Variants in DENND2B observed in about 807,000 individuals in gnomAD.
The protein encoded by DENND2B is DENN domain containing 2B.
A neutral mutation model predicts 116.0 loss-of-function variants in DENND2B; 32 were observed. That is an observed-to-expected ratio of 0.28 (90% CI 0.21 to 0.37). The LOEUF is 0.37. Among genes scored for constraint, DENND2B ranks in the 10% least tolerant of loss-of-function variants. The pLI is 1.00. For missense variants in DENND2B, 1,276 were observed against 1,477.7 expected, an observed-to-expected ratio of 0.86 and a Z score of 2.24; for synonymous variants, 588 against 583.9, an observed-to-expected ratio of 1.01 and a Z score of -0.10.
chr11:8,893,757 C>T (rs2064062880), intron 1 of DENND2B, among the ~76,000 whole-genome samples: 1 of 152,094 alleles, frequency 6.6e-6, no homozygotes, highest in African/African-American at 2.4e-5. Context: ...AGGACACAAA[C>T]AAATGGAAGA....
chr11:8,905,124 T>C (rs1041713722), intron 1 of DENND2B, among the ~76,000 whole-genome samples: 9 of 152,124 alleles, frequency 5.9e-5, no homozygotes, highest in Non-Finnish European at 1.3e-4. Flanking sequence ...ATAGTTGATA[T>C]ACTTCCCAAT....
upstream of DENND2B, among the ~76,000 whole-genome samples, chr11:8,873,170 A>G (rs965052794): frequency 1.3e-5 from 2 of 152,228 alleles, no homozygotes; most frequent in African/African-American, 4.8e-5. Flanking sequence ...CTCTACTACT[A>G]AAGTCCCGTT....
In DENND2B at chr11:8,743,321, G is replaced by A. The variant is rs564855123; in HGVS notation, c.80+7300C>T. Among the ~76,000 whole-genome samples the A allele has an allele frequency of 6.6e-5, 10 of 151,942 alleles. 1 individual carries two copies. In the South Asian group the frequency reaches 1.2e-3, roughly 19 times the overall value. On this transcript the variant is annotated intron_variant, in intron 2 of 19. Transcript: ENST00000313726. ...TTCCAGCACTTTGGGAGGCTGAGGC[G>A]GGTGGATCACCTGAGGTCAGGAGTT...
chr11:8,753,307 A>C (rs2052897488), intron 1 of DENND2B, among the ~76,000 whole-genome samples: 1 of 152,264 alleles, frequency 6.6e-6, no homozygotes, highest in Non-Finnish European at 1.5e-5. Context: ...AATTAAGAAA[A>C]TAATTCTATT....
intron 1 of DENND2B, among the ~76,000 whole-genome samples, chr11:8,893,332 C>G (rs977354329): frequency 6.6e-6 from 1 of 152,084 alleles, no homozygotes; most frequent in African/African-American, 2.4e-5. Flanking sequence ...CTTTGAAAAC[C>G]GGCACAAGAC....
intron 4 of DENND2B, among the ~76,000 whole-genome samples, chr11:8,829,397 G>A (rs1159640808): frequency 1.3e-5 from 2 of 152,048 alleles, no homozygotes; most frequent in East Asian, 3.9e-4. Context: ...AAGTTATCTT[G>A]AAAATTCCCT....
chr11:8,758,895 C>A (rs998177048), intron 1 of DENND2B, among the ~76,000 whole-genome samples: 16 of 152,220 alleles, frequency 1.1e-4, no homozygotes, highest in African/African-American at 3.9e-4. Context: ...TTGGCAACAG[C>A]CACACAAAAC....
chr11:8,836,311 T>A (rs1315703983), intron 4 of DENND2B, among the ~76,000 whole-genome samples: 1 of 151,974 alleles, frequency 6.6e-6, no homozygotes, highest in Non-Finnish European at 1.5e-5. Flanking sequence ...CTCTAGCAAG[T>A]TTCAGCAGCC....
chr11:8,729,030 A>C (rs75175581), intron 3 of DENND2B, among the ~76,000 whole-genome samples: 3,444 of 152,250 alleles, frequency 0.023, 94 homozygotes, highest in African/African-American at 0.06. Flanking sequence ...GAATCTTTGA[A>C]ATTTCTTCCT....
chr11:8,909,434 G>A (rs75802891), intron 1 of DENND2B, among the ~76,000 whole-genome samples: 4 of 34,244 alleles, frequency 1.2e-4, no homozygotes, highest in Admixed American at 1.1e-3. Context: ...AGGAGGAGGA[G>A]GAGGAAGAAG....
chr11:8,837,095 A>C (rs1326986701), intron 4 of DENND2B, among the ~76,000 whole-genome samples: 1 of 152,128 alleles, frequency 6.6e-6, no homozygotes, highest in African/African-American at 2.4e-5. Context: ...TCTTTGTCCA[A>C]CTCATTCTGT....
intron 1 of DENND2B, among the ~76,000 whole-genome samples, chr11:8,889,235 T>C (rs746979788): frequency 2.6e-5 from 4 of 152,200 alleles, no homozygotes; most frequent in Non-Finnish European, 5.9e-5. Flanking sequence ...CAACAGAATA[T>C]TATTCAGCCT....
Position 8,771,566 on chromosome 11 carries a change from A to AGAGAGAGAGAGAGAGAGAGAGAGCGAGC in DENND2B, c.-25-20842_-25-20841insGCTCGCTCTCTCTCTCTCTCTCTCTCTC, listed in dbSNP as rs146752028. 9.1e-4 allele frequency: 110 copies of AGAGAGAGAGAGAGAGAGAGAGAGCGAGC among 120,368 alleles called. 1 individual carries two copies. Among genetic ancestry groups the AGAGAGAGAGAGAGAGAGAGAGAGCGAGC allele is most frequent in the Non-Finnish European group, 1.6e-3 (91 of 55,836 alleles). 7.5% of individuals were successfully genotyped at this position (120,368 alleles called of 1,614,324 possible). ...GAGAGAGAGAGAGAGAGAGAGAGAG[A>AGAGAGAGAGAGAGAGAGAGAGAGCGAGC]GCCTTCTTCCCAGTTCTGGGCACAG... On this transcript the variant is annotated intron_variant, in intron 1 of 19. Transcript: ENST00000313726.
chr11:8,807,411 T>C (rs557322441), intron 1 of DENND2B, among the ~76,000 whole-genome samples: 1 of 152,316 alleles, frequency 6.6e-6, no homozygotes, highest in Non-Finnish European at 1.5e-5. Context: ...CTCTTAGGTC[T>C]AGGCTACCAG....
chr11:8,836,123 G>A (rs1223207897), intron 4 of DENND2B, among the ~76,000 whole-genome samples: 3 of 149,974 alleles, frequency 2.0e-5, no homozygotes, highest in Non-Finnish European at 4.4e-5. Flanking sequence ...CGAGGTTGGT[G>A]GATCAGGAGG....
chr11:8,837,881 C>T (rs2062490209), intron 4 of DENND2B, among the ~76,000 whole-genome samples: 2 of 152,156 alleles, frequency 1.3e-5, no homozygotes, highest in Admixed American at 1.3e-4. Flanking sequence ...AGGTGAAGAT[C>T]TGGGCTGAGT....
chr11:8,888,273 G>A (rs1374272338), intron 1 of DENND2B, among the ~76,000 whole-genome samples: 2 of 152,076 alleles, frequency 1.3e-5, no homozygotes, highest in Non-Finnish European at 2.9e-5. Flanking sequence ...GAGCCAGGAT[G>A]GGCAAAAAGG....
At chr11:8,829,652 G>A (rs1323918225) in intron 4 of DENND2B, among the ~76,000 whole-genome samples, 1 of 152,090 alleles carries the variant, frequency 6.6e-6, no homozygotes, top group South Asian at 2.1e-4. Context: ...TATCCAGCCA[G>A]ACGGACTTCC....
chr11:8,887,807 C>T (rs927555686), intron 1 of DENND2B, among the ~76,000 whole-genome samples: 8 of 152,202 alleles, frequency 5.3e-5, no homozygotes, highest in African/African-American at 1.9e-4. Context: ...TTAGCCAAGG[C>T]ACCTCAGATA....
Sources: gnomAD v4.1 joint callset for allele counts (sites outside exome capture counted in the v4.1 genomes callset) on GRCh38, gnomAD v4.1.1 for gene constraint, MANE v1.5 for transcripts, NCBI Gene and HGNC (gene_info 2026-07-23, HGNC 2026-07-21) for gene names.